Variants in ATP9B observed in about 807,000 individuals in gnomAD.
The protein encoded by ATP9B is ATPase phospholipid transporting 9B.
A neutral mutation model predicts 146.1 loss-of-function variants in ATP9B; 110 were observed. The ratio of observed to expected loss-of-function variants is 0.75; its 90% CI spans 0.65 to 0.88. The LOEUF is 0.88. Ranked by LOEUF, ATP9B falls within the 40% of genes least tolerant of loss-of-function variation. ATP9B has a pLI of 0.00. For synonymous variants in ATP9B, 604 were observed against 569.7 expected (o/e 1.06, Z -0.86); for missense variants, 1,499 against 1,496.4 (o/e 1.00, Z -0.03).
intron 8 of ATP9B, among the ~76,000 whole-genome samples, chr18:79,191,002 TG>T (rs1426425992): frequency 1.3e-5 from 2 of 152,236 alleles, no homozygotes; most frequent in African/African-American, 4.8e-5. Context: ...GATATTCCTC[TG>T]GTGGATGTCT....
At chr18:79,152,791 ATT>A (rs2094711587) in intron 6 of ATP9B, among the ~76,000 whole-genome samples, 1 of 152,124 alleles carries the variant, frequency 6.6e-6, no homozygotes, top group South Asian at 2.1e-4. Flanking sequence ...AGCGCTATTG[ATT>A]GAAAACACAA....
intron 12 of ATP9B, among the ~76,000 whole-genome samples, chr18:79,274,357 T>C (rs2096284706): frequency 6.6e-6 from 1 of 152,212 alleles, no homozygotes; most frequent in African/African-American, 2.4e-5. Context: ...AGGAAATTGC[T>C]GTATTAACAA....
chr18:79,238,809 C>T (rs1321508152), intron 11 of ATP9B, among the ~76,000 whole-genome samples: 4 of 152,144 alleles, frequency 2.6e-5, no homozygotes, highest in African/African-American at 9.7e-5. Context: ...TAATAGATTT[C>T]CAAAGAGGGA....
intron 15 of ATP9B, among the ~76,000 whole-genome samples, chr18:79,327,806 T>TTAACGTGCTCTCCGTGGC (rs2096764909): frequency 8.0e-6 from 1 of 124,920 alleles, no homozygotes; most frequent in African/African-American, 3.1e-5. Context: ...CTCTCCGTGG[T>TTAACGTGCTCTCCGTGGC]TAGCGTGTTC....
chr18:79,216,249 G>A (rs1361502509), intron 11 of ATP9B, among the ~76,000 whole-genome samples: 1 of 152,018 alleles, frequency 6.6e-6, no homozygotes, highest in African/African-American at 2.4e-5. Flanking sequence ...GGCTCGTCAA[G>A]CTCTTTACTC....
chr18:79,280,918 C>A (rs1402981954), intron 13 of ATP9B, among the ~76,000 whole-genome samples: 1 of 152,044 alleles, frequency 6.6e-6, no homozygotes, highest in Non-Finnish European at 1.5e-5. Flanking sequence ...ATGCCTAGAA[C>A]TAAATAATAA....
rs144928901 is a variant in ATP9B, at chr18:79,373,986, C to T, written c.3159C>T (p.Thr1053=). 16 of 1,613,980 alleles carry T rather than the reference C, an allele frequency of 9.9e-6. No individual in the cohort carries two copies. The African/African-American group carries it at 1.5e-4, about 15-fold the overall frequency. ...VAISFTALIL[T]ELLMVALTVR... is the part of the protein sequence containing the mutation. Reference sequence around the variant, plus strand: ...TCTCCTTCACCGCACTGATCCTGACCGAGCTGCTGATGGTGGCGCTGACCG... The same window carrying T: ...TCTCCTTCACCGCACTGATCCTGACTGAGCTGCTGATGGTGGCGCTGACCG... Residue 1053 remains threonine, a synonymous_variant, in exon 28 of 30, where the codon ACC becomes ACT. Transcript: ENST00000426216.
intron 6 of ATP9B, among the ~76,000 whole-genome samples, chr18:79,152,614 G>A (rs574853709): frequency 3.3e-5 from 5 of 152,218 alleles, no homozygotes; most frequent in African/African-American, 4.8e-5. Flanking sequence ...CATGTTTGAT[G>A]AATGACGACA....
chr18:79,252,220 C>T (rs1337292340), intron 11 of ATP9B, among the ~76,000 whole-genome samples: 1 of 152,222 alleles, frequency 6.6e-6, no homozygotes, highest in African/African-American at 2.4e-5. Context: ...CTGTGCCATG[C>T]GCTCCCTCTT....
At chr18:79,362,937 A>G (rs1399610653) in intron 26 of ATP9B, 3 of 152,234 alleles carry the variant, frequency 2.0e-5, no homozygotes, top group Non-Finnish European at 4.4e-5. Context: ...ATACTCTCAA[A>G]TGGTTTTATC....
intron 12 of ATP9B, among the ~76,000 whole-genome samples, chr18:79,273,546 C>A (rs140065058): frequency 1.3e-5 from 2 of 152,334 alleles, no homozygotes; most frequent in East Asian, 1.9e-4. Context: ...AAAAATAAGT[C>A]TGACAGAGGA....
intron 17 of ATP9B, among the ~76,000 whole-genome samples, chr18:79,336,069 C>T (rs546478281): frequency 8.6e-5 from 12 of 138,836 alleles, no homozygotes; most frequent in African/African-American, 3.4e-4. Flanking sequence ...CAGGTGCTCC[C>T]CTCGCCCGTC....
intron 2 of ATP9B, 52 bp downstream of exon 2, chr18:79,096,701 G>A (rs990781507): frequency 6.3e-6 from 9 of 1,432,132 alleles, no homozygotes; most frequent in Middle Eastern, 1.8e-4. Flanking sequence ...TTACTTATAA[G>A]GTTAGCTTCT....
intron 6 of ATP9B, among the ~76,000 whole-genome samples, chr18:79,150,381 G>A (rs2147562048): frequency 6.6e-6 from 1 of 151,992 alleles, no homozygotes; most frequent in South Asian, 2.1e-4. Context: ...ACAGAGAAAT[G>A]TTAAATTATG....
intron 11 of ATP9B, among the ~76,000 whole-genome samples, chr18:79,225,858 G>C (rs1455512688): frequency 2.8e-5 from 3 of 108,322 alleles, no homozygotes; most frequent in Admixed American, 9.7e-5. Context: ...CGCAGTCGCA[G>C]GGCGGCCACT....
intron 15 of ATP9B, among the ~76,000 whole-genome samples, chr18:79,325,307 G>A (rs992733775): frequency 4.6e-5 from 7 of 152,142 alleles, no homozygotes; most frequent in African/African-American, 1.2e-4. Context: ...AGAAGTGCAC[G>A]TCGGATTTTG....
chr18:79,286,277 A>G (rs1414485210), intron 13 of ATP9B, among the ~76,000 whole-genome samples: 1 of 151,948 alleles, frequency 6.6e-6, no homozygotes, highest in African/African-American at 2.4e-5. Context: ...ATTTGTTTGT[A>G]TCCTCTTTTA....
chr18:79,214,092 A>G (rs1459167274), intron 11 of ATP9B, 54 bp downstream of exon 11: 1 of 1,344,482 alleles, frequency 7.4e-7, no homozygotes, highest in East Asian at 2.4e-5. Flanking sequence ...CCTTTCAGTA[A>G]GAAAGTCTGC....
intron 1 of ATP9B, among the ~76,000 whole-genome samples, chr18:79,070,961 T>G (rs2071669372): frequency 6.6e-6 from 1 of 152,138 alleles, no homozygotes; most frequent in Admixed American, 6.5e-5. Context: ...CCATTTACAT[T>G]TACGATAATT....
Sources: allele counts gnomAD v4.1 joint callset (sites outside exome capture counted in the v4.1 genomes callset), GRCh38; gene constraint gnomAD v4.1.1; transcripts MANE v1.5; gene names NCBI Gene and HGNC (gene_info 2026-07-23, HGNC 2026-07-21).